TMBIM4: variants seen among roughly 807,000 people sequenced by gnomAD.
TMBIM4 encodes protein lifeguard 4.
In TMBIM4, 28 loss-of-function variants were observed where a neutral mutation model predicts 27.7. The ratio of observed to expected loss-of-function variants is 1.01; its 90% CI spans 0.75 to 1.38. TMBIM4 has a LOEUF of 1.38. Ranked by LOEUF, TMBIM4 falls within the 40% of genes most tolerant of loss-of-function variation. The probability of loss-of-function intolerance (pLI) is 0.00; values close to 1 mark genes in which losing one functional copy is unlikely to be tolerated. For synonymous variants in TMBIM4, 115 were observed against 113.1 expected (o/e 1.02, Z -0.11); for missense variants, 265 against 277.5 (o/e 0.95, Z 0.32).
chr12:66,137,962 A>T lies in TMBIM4; in HGVS notation c.715T>A (p.Ter239LysextTer8), dbSNP rs2136840324. The change falls in exon 7 of 7, where the codon TAA (stop) becomes AAA (lysine). Residue 239 changes from the stop codon to lysine, a stop_lost. Transcript: ENST00000358230. ...LRFLEAVNKK[*>K] ...CAGTTGAGCTGAGATACTTTTAATT[A>T]CTTTTTATTAACTGCTTCCAGAAAC... 6.2e-7 allele frequency: 1 copy of T among 1,612,176 alleles called. No individual in the cohort carries two copies. Among genetic ancestry groups the T allele is most frequent in the East Asian group, 2.2e-5 (1 of 44,858 alleles).
intron 1 of TMBIM4, among the ~76,000 whole-genome samples, chr12:66,158,634 G>A (rs982401900): frequency 6.8e-6 from 1 of 146,894 alleles, no homozygotes; most frequent in African/African-American, 2.5e-5. Flanking sequence ...GACAGAGCAA[G>A]ACTCTGTCTC....
intron 3 of TMBIM4, among the ~76,000 whole-genome samples, chr12:66,151,137 T>C (rs1300197992): frequency 1.3e-5 from 2 of 151,348 alleles, no homozygotes; most frequent in African/African-American, 4.9e-5. Flanking sequence ...CAGCTTTTCA[T>C]TTTAACACAA....
chr12:66,150,957 C>T (rs1043546722), intron 3 of TMBIM4, among the ~76,000 whole-genome samples: 1 of 152,206 alleles, frequency 6.6e-6, no homozygotes, highest in Non-Finnish European at 1.5e-5. Flanking sequence ...TCCTCCAGTT[C>T]TCCAGTTCAT....
At chr12:66,149,436 C>A (rs1389523429) in intron 3 of TMBIM4, among the ~76,000 whole-genome samples, 1 of 136,232 alleles carries the variant, frequency 7.3e-6, no homozygotes, top group East Asian at 2.7e-4. Flanking sequence ...CAGAGAGAGA[C>A]CCTGTCTCAA....
In TMBIM4 at chr12:66,138,111, A is replaced by C. The variant is rs1368884715; in HGVS notation, c.566T>G (p.Leu189Arg). 7 of 1,614,066 alleles carry C rather than the reference A, an allele frequency of 4.3e-6. No homozygotes were observed. Among genetic ancestry groups the C allele is most frequent in the Non-Finnish European group, 5.9e-6 (7 of 1,180,030 alleles). The change falls in exon 7 of 7, where the codon CTT becomes CGT. Residue 189 changes from leucine (L) to arginine (R), a missense_variant. Coordinates refer to ENST00000358230, the MANE Select transcript of TMBIM4 (RefSeq NM_016056.4). ...ELVLAAAGAL[L>R]FCGFIIYDTH... ...GTCATAGATGATGAATCCACAGAAA[A>C]GAAGGGCTCCTGCAGCGGCTAAGAC...
Position 66,169,995 on chromosome 12 carries a change from C to G in TMBIM4, c.-44G>C. On this transcript the variant is annotated 5_prime_UTR_variant, in exon 1 of 7. Transcript: ENST00000358230. The stretch of plus-strand genomic sequence containing the variant: ...ACCGGTCCCGGTCCACTAACCGCAA[C>G]CGCCTCCTCCCCACTTCCGCGAGGA... The G allele has an allele frequency of 7.4e-7, 1 of 1,358,078 alleles. No homozygotes were observed. Among genetic ancestry groups the G allele is most frequent in the Non-Finnish European group, 9.9e-7 (1 of 1,013,212 alleles). 84.1% of individuals were successfully genotyped at this position (1,358,078 alleles called of 1,614,324 possible).
chr12:66,146,253 TG>T (rs1306183957), intron 4 of TMBIM4, among the ~76,000 whole-genome samples: 3 of 152,188 alleles, frequency 2.0e-5, no homozygotes, highest in African/African-American at 7.2e-5. Context: ...TCTACAGGTA[TG>T]GGAGTGATTC....
chr12:66,168,030 G>A (rs1223824631), intron 1 of TMBIM4, among the ~76,000 whole-genome samples: 2 of 151,890 alleles, frequency 1.3e-5, no homozygotes, highest in Non-Finnish European at 2.9e-5. Flanking sequence ...GATCGGATGG[G>A]GCAACATGGA....
chr12:66,167,999 C>A (rs867206852), intron 1 of TMBIM4, among the ~76,000 whole-genome samples: 1 of 152,036 alleles, frequency 6.6e-6, no homozygotes, highest in South Asian at 2.1e-4. Flanking sequence ...GTGGGAGGAT[C>A]GCTTGAGTCC....
At chr12:66,156,891 G>C (rs1760012530) in intron 1 of TMBIM4, among the ~76,000 whole-genome samples, 1 of 152,108 alleles carries the variant, frequency 6.6e-6, no homozygotes, top group Non-Finnish European at 1.5e-5. Context: ...CAAAAAGAAT[G>C]ATGCAAAAGT....
At chr12:66,151,847 A>G (rs1213274871) in intron 3 of TMBIM4, among the ~76,000 whole-genome samples, 1 of 152,244 alleles carries the variant, frequency 6.6e-6, no homozygotes, top group Admixed American at 6.5e-5. Context: ...AACAAAGAAG[A>G]GTTAACAATA....
chr12:66,152,858 C>T (rs1019181231), intron 2 of TMBIM4, among the ~76,000 whole-genome samples: 2 of 151,794 alleles, frequency 1.3e-5, no homozygotes, highest in African/African-American at 4.8e-5. Context: ...TTCTCCTTTC[C>T]TTTAATATAA....
In TMBIM4 at chr12:66,138,149, C is replaced by T; in HGVS notation, c.528G>A (p.Glu176=). 1 of 1,611,120 alleles carries T rather than the reference C, an allele frequency of 6.2e-7. No homozygotes were observed. The highest frequency in any genetic ancestry group is 8.5e-7 in the Non-Finnish European group (1 of 1,179,262). ...SGFLKFFFYS[E]IMELVLAAAG... ...CAGCGGCTAAGACCAACTCCATTAT[C>T]TCACTATAAAAAAAAAACTATAGGG... The change falls in exon 7 of 7, where the codon GAG becomes GAA. Residue 176 remains glutamate, a synonymous_variant. Transcript: ENST00000358230.
intron 1 of TMBIM4, among the ~76,000 whole-genome samples, chr12:66,157,701 G>T (rs1165087254): frequency 2.0e-5 from 3 of 152,204 alleles, no homozygotes; most frequent in African/African-American, 4.8e-5. Context: ...ACTCCTGCAG[G>T]TGAGGGCTTA....
rs1318004496 is a variant in TMBIM4, at chr12:66,160,193, C to T, written c.98-6745G>A. ...GCCCTTTGTAGAAAATGTTCACCAT[C>T]CCTGATCTACCAGATTGCCGGAGAT... On this transcript the variant is annotated intron_variant, in intron 1 of 6. Transcript: ENST00000358230. 7 of 703,360 alleles carry T rather than the reference C, an allele frequency of 1.0e-5. No individual in the cohort carries two copies. The East Asian group carries it at 1.9e-4, about 19-fold the overall frequency. The allele number at this position is 703,360 out of a possible 1,614,324, so 43.6% of individuals were successfully genotyped here. A position where few individuals can be genotyped will look rare whatever the true frequency, so the allele number is the denominator to read the frequency against.
Position 66,169,893 on chromosome 12 carries a change from C to T in TMBIM4, c.59G>A (p.Gly20Asp), listed in dbSNP as rs2052206850. Residue 20 changes from glycine to aspartate, a missense_variant, in exon 1 of 7, where the codon GGC becomes GAC. Coordinates refer to ENST00000358230, the MANE Select transcript of TMBIM4 (RefSeq NM_016056.4). ...RSSIEDDFNY[G>D]SSVASATVHI... ...CACGGTGGCGGAGGCCACGCTGCTG[C>T]CATAGTTGAAGTCGTCCTCGATCGA... 6.7e-7 allele frequency: 1 copy of T among 1,501,520 alleles called. No individual in the cohort carries two copies. Among genetic ancestry groups the T allele is most frequent in the East Asian group, 2.8e-5 (1 of 35,276 alleles). 93.0% of individuals were successfully genotyped at this position (1,501,520 alleles called of 1,614,324 possible).
intron 1 of TMBIM4, among the ~76,000 whole-genome samples, chr12:66,156,458 T>C (rs2051938034): frequency 6.6e-6 from 1 of 152,214 alleles, no homozygotes; most frequent in Admixed American, 6.5e-5. Context: ...GTCTCCTCTG[T>C]TACCTCCCTA....
chr12:66,142,721 T>A (rs533931828), intron 5 of TMBIM4, among the ~76,000 whole-genome samples: 2 of 151,752 alleles, frequency 1.3e-5, no homozygotes, highest in African/African-American at 4.8e-5. Context: ...AAAAAGATTG[T>A]CTGGAACAAA....
At chr12:66,139,291 G>C (rs917013101) in intron 5 of TMBIM4, among the ~76,000 whole-genome samples, 4 of 152,180 alleles carry the variant, frequency 2.6e-5, no homozygotes, top group African/African-American at 7.2e-5. Context: ...TATATATAGA[G>C]AGTATAAATT....
Sources: gnomAD v4.1 joint callset for allele counts (sites outside exome capture counted in the v4.1 genomes callset) on GRCh38, gnomAD v4.1.1 for gene constraint, MANE v1.5 for transcripts, NCBI Gene and HGNC (gene_info 2026-07-23, HGNC 2026-07-21) for gene names.